PCDHGA9: variants seen among roughly 807,000 people sequenced by gnomAD.
The protein encoded by PCDHGA9 is protocadherin gamma subfamily A, 9.
A neutral mutation model predicts 62.5 loss-of-function variants in PCDHGA9; 37 were observed. That is an observed-to-expected ratio of 0.59 (90% confidence interval 0.46 to 0.78). PCDHGA9 has a LOEUF of 0.78. Among genes scored for constraint, PCDHGA9 ranks in the 30% least tolerant of loss-of-function variants. The probability of loss-of-function intolerance (pLI) is 0.00; values close to 1 mark genes in which losing one functional copy is unlikely to be tolerated. For synonymous variants in PCDHGA9, 459 were observed against 484.6 expected (o/e 0.95, Z 0.69); for missense variants, 1,138 against 1,166.2 (o/e 0.98, Z 0.35).
At chr5:141,441,298 T>C (rs1289976355) in intron 1 of PCDHGA9, 1 of 152,150 alleles carries the variant, frequency 6.6e-6, no homozygotes, top group Non-Finnish European at 1.5e-5. Flanking sequence ...ATGTCTGATA[T>C]AAGAAAATGC....
intron 1 of PCDHGA9, among the ~76,000 whole-genome samples, chr5:141,425,769 A>C (rs1355689852): frequency 6.6e-6 from 1 of 152,256 alleles, no homozygotes; most frequent in Non-Finnish European, 1.5e-5. Flanking sequence ...ACAGGAGAGA[A>C]GACTTTGCCT....
rs1200487646 is a variant in PCDHGA9, at chr5:141,410,571, C to T, written c.2424+5195C>T. 3 of 1,612,028 alleles carry T rather than the reference C, an allele frequency of 1.9e-6. No homozygotes were observed. The highest frequency in any genetic ancestry group is 2.5e-6 in the Non-Finnish European group (3 of 1,179,884). On this transcript the variant is annotated intron_variant, in intron 1 of 3. Coordinates refer to ENST00000573521, the MANE Select transcript of PCDHGA9 (RefSeq NM_018921.3). The stretch of plus-strand genomic sequence containing the variant: ...AGTGTTTCTCCTGGAGCCTTAATTC[C>T]ACCTCATGGTGGGGAGGATTTGACT...
At chr5:141,441,747 G>A in intron 1 of PCDHGA9, 2 of 372,470 alleles carry the variant, frequency 5.4e-6, no homozygotes, top group Non-Finnish European at 5.4e-6. Flanking sequence ...CGCGCTCGGC[G>A]TCAACGTGAG....
At chr5:141,417,892 C>T (rs550343206) in intron 1 of PCDHGA9, 13 of 1,570,660 alleles carry the variant, frequency 8.3e-6, no homozygotes, top group African/African-American at 5.4e-5. Flanking sequence ...GGCGCCGGGC[C>T]GGCCCGCGGC....
At chr5:141,447,957 A>T (rs1460497437) in intron 1 of PCDHGA9, among the ~76,000 whole-genome samples, 3 of 151,910 alleles carry the variant, frequency 2.0e-5, no homozygotes, top group African/African-American at 7.3e-5. Context: ...ATGGTGGCGG[A>T]CACCTATAAT....
At chr5:141,481,879 A>G (rs1204365605) in intron 1 of PCDHGA9, among the ~76,000 whole-genome samples, 1 of 144,890 alleles carries the variant, frequency 6.9e-6, no homozygotes, top group Non-Finnish European at 1.5e-5. Context: ...GCGCCACTGC[A>G]CTCCAGCCTG....
chr5:141,408,510 A>G (rs1298660421), intron 1 of PCDHGA9: 21 of 1,613,870 alleles, frequency 1.3e-5, no homozygotes, highest in Non-Finnish European at 1.8e-5. Context: ...AGAAGATGTG[A>G]GTTGCAATTG....
chr5:141,468,680 C>T (rs1176643092), intron 1 of PCDHGA9: 1 of 151,074 alleles, frequency 6.6e-6, no homozygotes, highest in Non-Finnish European at 1.5e-5. Flanking sequence ...TCCTGGCTAA[C>T]ACGGTGAAAC....
chr5:141,418,125 G>A (rs765373450), intron 1 of PCDHGA9: 2 of 1,614,086 alleles, frequency 1.2e-6, no homozygotes, highest in Middle Eastern at 1.7e-4. Flanking sequence ...GTGAAGGACC[G>A]AATAGACCGT....
chr5:141,443,243 C>T (rs755331096), intron 1 of PCDHGA9, among the ~76,000 whole-genome samples: 9 of 151,618 alleles, frequency 5.9e-5, no homozygotes, highest in Non-Finnish European at 1.0e-4. Flanking sequence ...CACTTTGGGG[C>T]GCCAAGGCGG....
chr5:141,506,801 C>A (rs1322016728), intron 3 of PCDHGA9, among the ~76,000 whole-genome samples: 2 of 152,166 alleles, frequency 1.3e-5, no homozygotes, highest in Non-Finnish European at 2.9e-5. Flanking sequence ...GGCAGAGGAT[C>A]AAGGCATTGC....
Position 141,487,003 on chromosome 5 carries a change from C to T in PCDHGA9, c.2425-7804C>T. The stretch of plus-strand genomic sequence containing the variant: ...ACAATGCTTGGGTTTCCTATCAGCT[C>T]CTGGAGGCCCCAGATCCCAGCCTGT... On this transcript the variant is annotated intron_variant, in intron 1 of 3. Transcript: ENST00000573521. The surrounding 1 kb of genome is among the most constrained non-coding windows in gnomAD (Gnocchi z 5.0). 1 of 1,614,228 alleles carries T rather than the reference C, an allele frequency of 6.2e-7. No homozygotes were observed.
Position 141,476,102 on chromosome 5 carries a change from C to G in PCDHGA9, c.2425-18705C>G, listed in dbSNP as rs1488747783. The G allele has an allele frequency of 1.3e-6, 2 of 1,576,940 alleles. No homozygotes were observed. Among genetic ancestry groups the G allele is most frequent in the African/African-American group, 2.7e-5 (2 of 73,926 alleles). ...ACGATCTGGACCCCGCTGAGAGGAA[C>G]TGCTTTTGAGTGAGATGGTCCCAGA... On this transcript the variant is annotated intron_variant, in intron 1 of 3. Transcript: ENST00000573521. The surrounding 1 kb of genome is among the most constrained non-coding windows in gnomAD (Gnocchi z 7.6).
At chr5:141,467,628 C>G (rs181245841) in intron 1 of PCDHGA9, among the ~76,000 whole-genome samples, 49 of 152,224 alleles carry the variant, frequency 3.2e-4, no homozygotes, top group African/African-American at 1.1e-3. Context: ...TTTGAGATAG[C>G]ATCTTTATCA....
At position 141,485,480 on chromosome 5, in the gene PCDHGA9, A is replaced by G. The variant is rs535194185; in HGVS notation, c.2425-9327A>G. On this transcript the variant is annotated intron_variant, in intron 1 of 3. Transcript: ENST00000573521. The surrounding 1 kb of genome is among the most constrained non-coding windows in gnomAD (Gnocchi z 5.7). Reference sequence around the variant, plus strand: ...ACTGTGTGGGCTCAGTGCCAGCTGCATCGTGCCCCTGGAGTTTGTCACCGA... The same window carrying G: ...ACTGTGTGGGCTCAGTGCCAGCTGCGTCGTGCCCCTGGAGTTTGTCACCGA... The G allele has an allele frequency of 2.5e-6, 4 of 1,614,154 alleles. No individual in the cohort carries two copies. The South Asian group carries it at 3.3e-5, about 13-fold the overall frequency.
rs1451476815 is a variant in PCDHGA9, at chr5:141,404,347, C to T, written c.1395C>T (p.Asn465=). 3.7e-6 allele frequency: 6 copies of T among 1,613,796 alleles called. No individual in the cohort carries two copies. The highest frequency in any genetic ancestry group is 2.7e-5 in the African/African-American group (2 of 74,918). The change falls in exon 1 of 4, where the codon AAC becomes AAT. Residue 465 remains asparagine (N), a synonymous_variant. Coordinates refer to ENST00000573521, the MANE Select transcript of PCDHGA9 (RefSeq NM_018921.3). ...ACTCAGTCTACCTCCCGGAAAACAA[C>T]GCCAGAGGTACTTCCATCTTCTCCG... The part of the protein sequence containing the change: ...ASYSVYLPEN[N]ARGTSIFSVI...
Position 141,402,877 on chromosome 5 carries a change from T to C in PCDHGA9, c.-76T>C. 3 of 1,469,748 alleles carry C rather than the reference T, an allele frequency of 2.0e-6. No homozygotes were observed. Among genetic ancestry groups the C allele is most frequent in the East Asian group, 4.9e-5 (2 of 41,060 alleles). The allele number at this position is 1,469,748 out of a possible 1,614,324, so 91.0% of individuals were successfully genotyped here. On this transcript the variant is annotated 5_prime_UTR_variant, in exon 1 of 4. Transcript: ENST00000573521. The stretch of plus-strand genomic sequence containing the variant: ...TTCTAAGGAAAAGATCACCATACTT[T>C]GCAGGGTGGAAGAAAGAACCTGATG...
intron 1 of PCDHGA9, among the ~76,000 whole-genome samples, chr5:141,473,185 G>A (rs1171761852): frequency 1.3e-5 from 2 of 152,188 alleles, no homozygotes; most frequent in Non-Finnish European, 2.9e-5. Flanking sequence ...ACTTGAAGGA[G>A]TAAATGTATC....
Position 141,431,067 on chromosome 5 carries a change from A to G in PCDHGA9, c.2424+25691A>G. The G allele has an allele frequency of 1.2e-6, 2 of 1,614,164 alleles. No homozygotes were observed. Among genetic ancestry groups the G allele is most frequent in the Non-Finnish European group, 1.7e-6 (2 of 1,179,976 alleles). Reference sequence around the variant, plus strand: ...CTCTGTATGGGGGCCATCAAGTGTCAATTAAATCTAGACATTCTGATGGAG... The same window carrying G: ...CTCTGTATGGGGGCCATCAAGTGTCGATTAAATCTAGACATTCTGATGGAG... On this transcript the variant is annotated intron_variant, in intron 1 of 3. Transcript: ENST00000573521. This position sits in a 1 kb window ranked among gnomAD's most constrained non-coding sequence, Gnocchi z 4.8.
Sources: allele counts gnomAD v4.1 joint callset (sites outside exome capture counted in the v4.1 genomes callset), GRCh38; gene constraint gnomAD v4.1.1; non-coding constraint Gnocchi (gnomAD v3.1); transcripts MANE v1.5; gene names NCBI Gene and HGNC (gene_info 2026-07-23, HGNC 2026-07-21).